STXBP6: variants seen among roughly 807,000 people sequenced by gnomAD.
The protein encoded by STXBP6 is syntaxin-binding protein 6.
STXBP6 carries 21 observed loss-of-function variants against 26.9 expected under a neutral mutation model. The ratio of observed to expected loss-of-function variants is 0.78; its 90% CI spans 0.55 to 1.12. The LOEUF (loss-of-function observed/expected upper bound fraction) is 1.12, where lower values mean the gene tolerates loss of function less well. STXBP6 is among the 50% of genes most tolerant of loss of function. The pLI is 0.00. For synonymous variants in STXBP6, 97 were observed against 92.6 expected, an observed-to-expected ratio of 1.05 and a Z score of -0.27; for missense variants, 232 against 257.9, an observed-to-expected ratio of 0.90 and a Z score of 0.69.
chr14:24,909,324 C>A (rs2071488981), intron 2 of STXBP6, among the ~76,000 whole-genome samples: 1 of 152,232 alleles, frequency 6.6e-6, no homozygotes, highest in Non-Finnish European at 1.5e-5. Context: ...TTCACACCAG[C>A]CAATCCACAT....
intron 2 of STXBP6, among the ~76,000 whole-genome samples, chr14:24,889,910 A>C (rs1218529021): frequency 6.6e-6 from 1 of 152,216 alleles, no homozygotes; most frequent in Non-Finnish European, 1.5e-5. Context: ...CTTTCAGTAC[A>C]ACTCCCCAAC....
At chr14:24,868,515 G>C (rs1373374452) in intron 2 of STXBP6, among the ~76,000 whole-genome samples, 1 of 152,162 alleles carries the variant, frequency 6.6e-6, no homozygotes, top group East Asian at 1.9e-4. Flanking sequence ...CAACCCAAAT[G>C]TCCCTCAGCA....
At chr14:24,901,630 A>T (rs1005971123) in intron 2 of STXBP6, among the ~76,000 whole-genome samples, 1 of 152,174 alleles carries the variant, frequency 6.6e-6, no homozygotes, top group African/African-American at 2.4e-5. Context: ...GTACATCAAC[A>T]AGAGGATAAA....
intron 1 of STXBP6, among the ~76,000 whole-genome samples, chr14:25,046,072 C>G (rs1200309529): frequency 6.6e-6 from 1 of 152,118 alleles, no homozygotes; most frequent in Non-Finnish European, 1.5e-5. Context: ...CTCTGTGACT[C>G]AGTAATAACA....
At chr14:25,019,542 G>C (rs574683006) in intron 1 of STXBP6, among the ~76,000 whole-genome samples, 1 of 152,310 alleles carries the variant, frequency 6.6e-6, no homozygotes, top group East Asian at 1.9e-4. Flanking sequence ...AAAGAAAACA[G>C]AGTGAATTGC....
rs1177365547 is a variant in STXBP6, at chr14:24,931,112, C to T, written c.154+43553G>A. On this transcript the variant is annotated intron_variant, in intron 2 of 5. Transcript: ENST00000323944. ...CGGCCTGGGCGACAGAGCGAGACTC[C>T]GTCTCAAAAAAAAAAAAAAAAAAAA... Among the ~76,000 whole-genome samples the T allele has an allele frequency of 1.5e-3, 82 of 55,022 alleles. 1 individual carries two copies. The highest frequency in any genetic ancestry group is 1.1e-3 in the East Asian group (2 of 1,880). 36.1% of individuals were successfully genotyped at this position (55,022 alleles called of 152,430 possible). A position where few individuals can be genotyped will look rare whatever the true frequency, so the allele number is the denominator to read the frequency against.
intron 2 of STXBP6, among the ~76,000 whole-genome samples, chr14:24,933,043 T>C (rs560732181): frequency 2.6e-5 from 4 of 152,136 alleles, no homozygotes; most frequent in South Asian, 2.1e-4. Context: ...CAGATAATAT[T>C]TGAAGTCACA....
At chr14:25,044,782 C>T (rs1417588032) in intron 1 of STXBP6, among the ~76,000 whole-genome samples, 2 of 152,206 alleles carry the variant, frequency 1.3e-5, no homozygotes, top group South Asian at 2.1e-4. Flanking sequence ...CAGTAAATCT[C>T]GCACTGTGCT....
intron 4 of STXBP6, among the ~76,000 whole-genome samples, chr14:24,837,815 C>T (rs940874908): frequency 2.0e-5 from 3 of 152,192 alleles, no homozygotes; most frequent in Non-Finnish European, 2.9e-5. Context: ...CTTTCCCATC[C>T]TAAGAGATGT....
chr14:24,997,190 G>A (rs767339101), intron 1 of STXBP6, among the ~76,000 whole-genome samples: 5 of 152,128 alleles, frequency 3.3e-5, no homozygotes, highest in South Asian at 2.1e-4. Flanking sequence ...TTCTATGTGC[G>A]TAGCCCTCAC....
intron 2 of STXBP6, among the ~76,000 whole-genome samples, chr14:24,918,641 G>T (rs769839747): frequency 5.9e-5 from 9 of 151,950 alleles, no homozygotes; most frequent in Non-Finnish European, 2.9e-5. Context: ...TACTCAATAC[G>T]AATGCTTTAT....
intron 2 of STXBP6, chr14:24,878,818 G>T (rs1335139495): frequency 2.2e-6 from 1 of 448,982 alleles, no homozygotes; most frequent in Non-Finnish European, 4.5e-6. Context: ...TGATATCTGT[G>T]TAAACAGATT....
chr14:25,013,198 C>T (rs1314722020), intron 1 of STXBP6, among the ~76,000 whole-genome samples: 1 of 152,140 alleles, frequency 6.6e-6, no homozygotes, highest in African/African-American at 2.4e-5. Context: ...TTCCCCAGCT[C>T]CCCAAATTGG....
At chr14:24,924,542 G>A (rs1455119039) in intron 2 of STXBP6, among the ~76,000 whole-genome samples, 2 of 152,150 alleles carry the variant, frequency 1.3e-5, no homozygotes, top group Non-Finnish European at 2.9e-5. Flanking sequence ...AAGAAGCATA[G>A]CAAGGGTCAT....
intron 2 of STXBP6, among the ~76,000 whole-genome samples, chr14:24,899,780 CAAAA>C (rs58367371): frequency 3.8e-4 from 18 of 46,878 alleles, no homozygotes; most frequent in African/African-American, 1.3e-3. Flanking sequence ...GACTACATTT[CAAAA>C]AAAAAAAAAA....
chr14:24,885,649 C>T lies in STXBP6; in HGVS notation c.155-28492G>A, dbSNP rs373819737. On this transcript the variant is annotated intron_variant, in intron 2 of 5. Coordinates refer to ENST00000323944, the MANE Select transcript of STXBP6 (RefSeq NM_001394410.1). ...TAACAATCCACAGATGAATGACATC[C>T]ATTGTCTCAGTTATCAGCTCAACGT... 4.6e-5 allele frequency among the ~76,000 whole-genome samples: 7 copies of T among 152,224 alleles called. 2 individuals are homozygous for T. Among genetic ancestry groups the T allele is most frequent in the Admixed American group, 3.9e-4 (6 of 15,292 alleles).
intron 1 of STXBP6, among the ~76,000 whole-genome samples, chr14:25,041,935 T>C (rs565184783): frequency 5.9e-5 from 9 of 152,308 alleles, no homozygotes; most frequent in African/African-American, 2.2e-4. Flanking sequence ...AACAAGAAGG[T>C]AGAACAGGGT....
chr14:25,049,543 G>A lies in STXBP6; in HGVS notation c.-33+335C>T. 1 of 985,386 alleles carries A rather than the reference G, an allele frequency of 1.0e-6. No individual in the cohort carries two copies. The highest frequency in any genetic ancestry group is 1.2e-6 in the Non-Finnish European group (1 of 830,006). 61.0% of individuals were successfully genotyped at this position (985,386 alleles called of 1,614,324 possible). A position where few individuals can be genotyped will look rare whatever the true frequency, so the allele number is the denominator to read the frequency against. On this transcript the variant is annotated intron_variant, in intron 1 of 5. Coordinates refer to ENST00000323944, the MANE Select transcript of STXBP6 (RefSeq NM_001394410.1). The surrounding 1 kb of genome is among the most constrained non-coding windows in gnomAD (Gnocchi z 5.6). ...CCCATGCCATCGCGGGGACGGTGCG[G>A]AAAAAAAGGCTCCATCCTCAACTTT...
chr14:24,906,619 G>A (rs1761284782), intron 2 of STXBP6, among the ~76,000 whole-genome samples: 2 of 152,106 alleles, frequency 1.3e-5, no homozygotes, highest in Admixed American at 6.5e-5. Flanking sequence ...CTGAGAATGC[G>A]ACATGCATAA....
Sources: gnomAD v4.1 joint callset for allele counts (sites outside exome capture counted in the v4.1 genomes callset) on GRCh38, gnomAD v4.1.1 for gene constraint, Gnocchi (gnomAD v3.1) non-coding constraint, MANE v1.5 for transcripts, NCBI Gene and HGNC (gene_info 2026-07-23, HGNC 2026-07-21) for gene names.